The following TACR3 variants were observed in gnomAD, a reference collection of about 807,000 sequenced individuals.
The protein encoded by TACR3 is neuromedin-K receptor.
TACR3 carries 34 observed loss-of-function variants against 35.0 expected under a neutral mutation model. The ratio of observed to expected loss-of-function variants is 0.97; its 90% CI spans 0.74 to 1.30. The LOEUF (loss-of-function observed/expected upper bound fraction) is 1.30, where lower values mean the gene tolerates loss of function less well. TACR3 is among the 50% of genes most tolerant of loss of function. TACR3 has a pLI of 0.00. For missense variants in TACR3, 558 were observed against 591.7 expected, an observed-to-expected ratio of 0.94 and a Z score of 0.59; for synonymous variants, 233 against 221.1, an observed-to-expected ratio of 1.05 and a Z score of -0.48.
chr4:103,592,183 A>T (rs1363410794), intron 3 of TACR3, among the ~76,000 whole-genome samples: 18 of 152,206 alleles, frequency 1.2e-4, no homozygotes, highest in Admixed American at 1.2e-3. Flanking sequence ...TAGCCTGCTC[A>T]CTACGTAACC....
At chr4:103,696,046 G>A (rs1203611242) in intron 1 of TACR3, among the ~76,000 whole-genome samples, 1 of 151,832 alleles carries the variant, frequency 6.6e-6, no homozygotes, top group Non-Finnish European at 1.5e-5. Context: ...TCTGACAAAG[G>A]TATTTTCAAT....
intron 1 of TACR3, among the ~76,000 whole-genome samples, chr4:103,718,518 C>T (rs1723139970): frequency 6.6e-6 from 1 of 152,204 alleles, no homozygotes; most frequent in Non-Finnish European, 1.5e-5. Flanking sequence ...GAAATTAAAT[C>T]TAATCTGAGA....
intron 1 of TACR3, among the ~76,000 whole-genome samples, chr4:103,663,900 G>A (rs1725884549): frequency 1.3e-5 from 2 of 152,180 alleles, no homozygotes; most frequent in Non-Finnish European, 2.9e-5. Context: ...CCAAATAATT[G>A]TCAGTGCTTT....
At chr4:103,639,833 T>C (rs760348171) in intron 3 of TACR3, among the ~76,000 whole-genome samples, 1 of 151,966 alleles carries the variant, frequency 6.6e-6, no homozygotes, top group Non-Finnish European at 1.5e-5. Context: ...CAGTGATGTC[T>C]TCCTTATGCA....
chr4:103,635,544 C>A (rs1725168453), intron 3 of TACR3, among the ~76,000 whole-genome samples: 1 of 151,948 alleles, frequency 6.6e-6, no homozygotes, highest in Non-Finnish European at 1.5e-5. Context: ...TGGTGACTTG[C>A]TTAACGTCAA....
chr4:103,616,546 C>T (rs1477614437), intron 3 of TACR3, among the ~76,000 whole-genome samples: 1 of 152,060 alleles, frequency 6.6e-6, no homozygotes, highest in Non-Finnish European at 1.5e-5. Flanking sequence ...AGTAGAAACC[C>T]TAATTTTCCC....
intron 1 of TACR3, among the ~76,000 whole-genome samples, chr4:103,705,604 T>C (rs1722769865): frequency 6.6e-6 from 1 of 152,198 alleles, no homozygotes; most frequent in African/African-American, 2.4e-5. Context: ...TCATGTGCTA[T>C]GGGAATCTAT....
intron 1 of TACR3, among the ~76,000 whole-genome samples, chr4:103,717,147 A>G (rs1475156631): frequency 6.6e-6 from 1 of 152,142 alleles, no homozygotes; most frequent in Non-Finnish European, 1.5e-5. Flanking sequence ...CTGGTAATCT[A>G]TTGAGAGTTT....
intron 1 of TACR3, among the ~76,000 whole-genome samples, chr4:103,690,991 G>A (rs1722390513): frequency 1.3e-5 from 2 of 152,128 alleles, no homozygotes; most frequent in Non-Finnish European, 2.9e-5. Flanking sequence ...TCAATTGCTG[G>A]TTAGAATTTG....
intron 3 of TACR3, among the ~76,000 whole-genome samples, chr4:103,652,808 A>G (rs1333174848): frequency 1.3e-5 from 2 of 152,024 alleles, no homozygotes; most frequent in Non-Finnish European, 2.9e-5. Flanking sequence ...TATATTCTCT[A>G]GGAGACAACA....
intron 3 of TACR3, among the ~76,000 whole-genome samples, chr4:103,635,168 G>T (rs940374933): frequency 6.6e-6 from 1 of 151,808 alleles, no homozygotes; most frequent in Non-Finnish European, 1.5e-5. Flanking sequence ...ACATGACATT[G>T]TACTATAAGT....
At chr4:103,651,679 A>C (rs186388619) in intron 3 of TACR3, among the ~76,000 whole-genome samples, 1 of 151,800 alleles carries the variant, frequency 6.6e-6, no homozygotes, top group African/African-American at 2.4e-5. Flanking sequence ...TATAGCCCCC[A>C]CAGCTGGGAA....
chr4:103,608,837 T>G (rs916337180), intron 3 of TACR3, among the ~76,000 whole-genome samples: 1 of 152,110 alleles, frequency 6.6e-6, no homozygotes, highest in African/African-American at 2.4e-5. Context: ...GTAAGTTACA[T>G]GGTCAGAAAT....
intron 1 of TACR3, among the ~76,000 whole-genome samples, chr4:103,702,420 T>G (rs1469949910): frequency 6.6e-6 from 1 of 152,142 alleles, no homozygotes; most frequent in Non-Finnish European, 1.5e-5. Context: ...GGAGGGAATA[T>G]AGAGAAATAG....
At chr4:103,689,520 CTGAAA>C (rs1221530587) in intron 1 of TACR3, among the ~76,000 whole-genome samples, 2 of 150,478 alleles carry the variant, frequency 1.3e-5, no homozygotes, top group Admixed American at 6.6e-5. Context: ...AATTCTGCAA[CTGAAA>C]AGTATAACAA....
At chr4:103,621,966 G>A (rs1724791376) in intron 3 of TACR3, among the ~76,000 whole-genome samples, 1 of 152,160 alleles carries the variant, frequency 6.6e-6, no homozygotes, top group African/African-American at 2.4e-5. Flanking sequence ...AAAATATAAA[G>A]AATGGGACTT....
chr4:103,596,115 G>A (rs1410376982), intron 3 of TACR3, among the ~76,000 whole-genome samples: 8 of 148,284 alleles, frequency 5.4e-5, no homozygotes, highest in Admixed American at 2.0e-4. Context: ...ATTCCATGGT[G>A]TATATGTGTC....
chr4:103,627,723 TAGAC>T (rs34169322), intron 3 of TACR3, among the ~76,000 whole-genome samples: 12,755 of 151,970 alleles, frequency 0.084, 648 homozygotes, highest in Non-Finnish European at 0.12. Flanking sequence ...CTGTCAATAT[TAGAC>T]AGATCAACAA....
intron 3 of TACR3, among the ~76,000 whole-genome samples, chr4:103,654,296 C>A (rs1351958601): frequency 1.3e-5 from 2 of 151,294 alleles, no homozygotes; most frequent in African/African-American, 2.4e-5. Flanking sequence ...TGGAACCAAC[C>A]CAAATGTCCA....
Sources: allele counts gnomAD v4.1 joint callset (sites outside exome capture counted in the v4.1 genomes callset), GRCh38; gene constraint gnomAD v4.1.1; transcripts MANE v1.5; gene names NCBI Gene and HGNC (gene_info 2026-07-23, HGNC 2026-07-21).